Variants in PDE10A observed in about 807,000 individuals in gnomAD.
PDE10A encodes the protein phosphodiesterase 10A, also known as cAMP and cAMP-inhibited cGMP 3',5'-cyclic phosphodiesterase 10A.
In PDE10A, 39 loss-of-function variants were observed where a neutral mutation model predicts 97.7. The observed-to-expected ratio is 0.40, with a 90% CI of 0.31 to 0.52. The LOEUF (loss-of-function observed/expected upper bound fraction) is 0.52, where lower values mean the gene tolerates loss of function less well. Among genes scored for constraint, PDE10A ranks in the 20% least tolerant of loss-of-function variants. The pLI is 0.56. For synonymous variants in PDE10A, 371 were observed against 376.8 expected (o/e 0.98, Z 0.18); for missense variants, 731 against 1,047.8 (o/e 0.70, Z 4.17).
chr6:165,723,003 G>A (rs1291674225), intron 1 of PDE10A, among the ~76,000 whole-genome samples: 2 of 151,864 alleles, frequency 1.3e-5, no homozygotes, highest in Non-Finnish European at 2.9e-5. Flanking sequence ...TATAATAGAA[G>A]TCCCACTCCA....
chr6:165,788,692 A>C (rs1469804415), intron 1 of PDE10A, among the ~76,000 whole-genome samples: 1 of 152,156 alleles, frequency 6.6e-6, no homozygotes, highest in African/African-American at 2.4e-5. Flanking sequence ...GAAAGAATTC[A>C]GAACTACTGC....
Position 165,873,641 on chromosome 6 carries a change from T to C in PDE10A, c.-615+113888A>G, listed in dbSNP as rs558050694. Among the ~76,000 whole-genome samples, 334 of 152,344 alleles carry C rather than the reference T, an allele frequency of 2.2e-3. 2 individuals are homozygous for C. Among genetic ancestry groups the C allele is most frequent in the Non-Finnish European group, 3.7e-3 (253 of 68,032 alleles). ...ACTTATTTGGGTTTAAGCTCAGTAT[T>C]TGAATTTGACATAAGACTTTTGCTA... On this transcript the variant is annotated intron_variant, in intron 1 of 19. Coordinates refer to the PDE10A transcript ENST00000366882.
intron 1 of PDE10A, among the ~76,000 whole-genome samples, chr6:165,841,895 C>G (rs1373407459): frequency 6.6e-6 from 1 of 152,172 alleles, no homozygotes; most frequent in Non-Finnish European, 1.5e-5. Flanking sequence ...GTAAATTATG[C>G]CAGGAGCTTT....
At chr6:165,611,398 G>C (rs2128401347) in intron 1 of PDE10A, among the ~76,000 whole-genome samples, 1 of 152,268 alleles carries the variant, frequency 6.6e-6, no homozygotes, top group East Asian at 1.9e-4. Context: ...GTGTCCTCCT[G>C]CCAGTCCTGA....
At chr6:165,503,991 CTTTT>C (rs34219784) in intron 2 of PDE10A, among the ~76,000 whole-genome samples, 4 of 152,044 alleles carry the variant, frequency 2.6e-5, no homozygotes, top group Non-Finnish European at 5.9e-5. Context: ...TCATAAAATT[CTTTT>C]TTTAGCACCT....
At chr6:165,757,674 CT>C (rs1793148484) in intron 1 of PDE10A, among the ~76,000 whole-genome samples, 1 of 152,114 alleles carries the variant, frequency 6.6e-6, no homozygotes, top group South Asian at 2.1e-4. Flanking sequence ...ACTTTCTAAT[CT>C]GTTGCATTGA....
intron 3 of PDE10A, among the ~76,000 whole-genome samples, chr6:165,473,569 G>A (rs749892697): frequency 2.4e-4 from 37 of 152,016 alleles, no homozygotes; most frequent in Non-Finnish European, 5.1e-4. Context: ...CAAAAATATA[G>A]AGGCCACTAT....
At chr6:165,875,114 G>T (rs1781297995) in intron 1 of PDE10A, among the ~76,000 whole-genome samples, 1 of 152,130 alleles carries the variant, frequency 6.6e-6, no homozygotes, top group South Asian at 2.1e-4. Flanking sequence ...TGTGTGCTGG[G>T]GACAGGTGCC....
At chr6:165,531,058 C>A (rs924568912) in intron 2 of PDE10A, among the ~76,000 whole-genome samples, 5 of 151,946 alleles carry the variant, frequency 3.3e-5, no homozygotes, top group African/African-American at 1.2e-4. Flanking sequence ...TCCTTCCTCT[C>A]CCTTCTATTT....
At chr6:165,504,927 T>C (rs1302291741) in intron 2 of PDE10A, among the ~76,000 whole-genome samples, 1 of 152,132 alleles carries the variant, frequency 6.6e-6, no homozygotes, top group Non-Finnish European at 1.5e-5. Flanking sequence ...CAGAACTGAG[T>C]TAAGTGAGAA....
chr6:165,874,007 G>A (rs978570604), intron 1 of PDE10A, among the ~76,000 whole-genome samples: 2 of 152,166 alleles, frequency 1.3e-5, no homozygotes, highest in Non-Finnish European at 2.9e-5. Flanking sequence ...GGGACAAAGG[G>A]TGAAGCTTTG....
At chr6:165,851,258 G>A (rs1780564488) in intron 1 of PDE10A, among the ~76,000 whole-genome samples, 1 of 152,158 alleles carries the variant, frequency 6.6e-6, no homozygotes, top group Non-Finnish European at 1.5e-5. Context: ...TCACAATATA[G>A]AGAAAAGCAA....
At position 165,525,546 on chromosome 6, in the gene PDE10A, G is replaced by A. The variant is rs180769416; in HGVS notation, c.994+17894C>T. On this transcript the variant is annotated intron_variant, in intron 2 of 21. Transcript: ENST00000539869. ...GACCTACTCATCCCAGCCTTAGAGG[G>A]TCCCGAAGATATACCCTTGACCAAT... Among the ~76,000 whole-genome samples, 1,302 of 152,242 alleles carry A rather than the reference G, an allele frequency of 8.6e-3. 23 individuals carry two copies. The highest frequency in any genetic ancestry group is 0.03 in the African/African-American group (1,228 of 41,530).
In PDE10A at chr6:165,379,220, T is replaced by C. The variant is rs142262184; in HGVS notation, c.2757A>G (p.Ser919=). The part of the protein sequence containing the change: ...KQLEEMYQTG[S]LNLNNQSHRD... ...TATGTGATTGATTATTAAGGTTTAG[T>C]GATCCGGTCTGGTACATCTCTTCCA... Residue 919 remains serine (S), a synonymous_variant, in exon 18 of 22, where the codon TCA becomes TCG. Coordinates refer to ENST00000539869, the MANE Select transcript of PDE10A (RefSeq NM_001385079.1). 4.5e-4 allele frequency: 726 copies of C among 1,610,894 alleles called. 4 individuals carry two copies. In the African/African-American group the frequency reaches 8.8e-3, roughly 20 times the overall value.
rs1790334519 is a variant in PDE10A at position 165,662,495 on chromosome 6, G to C, written c.317C>G (p.Ser106Cys). 2 of 148,332 alleles carry C rather than the reference G, an allele frequency of 1.3e-5. No individual in the cohort carries two copies. The highest frequency in any genetic ancestry group is 3.0e-5 in the Non-Finnish European group (2 of 66,776). The allele number at this position is 148,332 out of a possible 1,614,324, so 9.2% of individuals were successfully genotyped here. Residue 106 changes from serine to cysteine, a missense_variant, in exon 1 of 22, where the codon TCC (serine) becomes TGC (cysteine). By Grantham distance (112) the Ser-to-Cys change is moderately radical (BLOSUM62 -1). Around this residue, in one of 8 missense-constraint regions of PDE10A, gnomAD observed 181 missense variants for 159.1 expected, o/e 1.14. Coordinates refer to ENST00000539869, the MANE Select transcript of PDE10A (RefSeq NM_001385079.1). ...ARAPLALAFS[S>C]RVPSSSPSFF... ...AGATGGAGAGGAGGAGGGGACCCGG[G>C]ACGAGAAGGCGAGCGCCAAGGGAGC... is the stretch of plus-strand genomic sequence containing the variant.
Position 165,662,112 on chromosome 6 carries a change from G to A in PDE10A, c.700C>T (p.Pro234Ser). ...CCGCCGCCGCCTGGGCCGGCGCCGG[G>A]GAAGCCGGGGGAGCCCGCGCGGCGG... ...AARRAGSPGF[P>S]GAGPGGGGQT... is the part of the protein sequence containing the mutation. Residue 234 changes from proline to serine, a missense_variant, in exon 1 of 22, where the codon CCC (proline) becomes TCC (serine). By Grantham distance (74) the Pro-to-Ser change is moderately conservative. Transcript: ENST00000539869. 9.8e-7 allele frequency: 1 copy of A among 1,020,010 alleles called. No homozygotes were observed. Among genetic ancestry groups the A allele is most frequent in the Non-Finnish European group, 1.2e-6 (1 of 844,608 alleles). 63.2% of individuals were successfully genotyped at this position (1,020,010 alleles called of 1,614,324 possible). A position where few individuals can be genotyped will look rare whatever the true frequency, so the allele number is the denominator to read the frequency against.
At chr6:165,977,252 G>A (rs1784876894) in intron 1 of PDE10A, among the ~76,000 whole-genome samples, 1 of 152,214 alleles carries the variant, frequency 6.6e-6, no homozygotes, top group Non-Finnish European at 1.5e-5. Context: ...GTTTGGGAAA[G>A]ATAGCAGATT....
At chr6:165,952,460 C>G (rs1445444509) in intron 1 of PDE10A, among the ~76,000 whole-genome samples, 3 of 152,208 alleles carry the variant, frequency 2.0e-5, no homozygotes, top group African/African-American at 7.2e-5. Context: ...GAAAATGACA[C>G]CGTTTCTTAG....
At chr6:165,901,265 C>G (rs1782098029) in intron 1 of PDE10A, among the ~76,000 whole-genome samples, 1 of 152,186 alleles carries the variant, frequency 6.6e-6, no homozygotes, top group Admixed American at 6.5e-5. Flanking sequence ...AACCTCCACA[C>G]CACATGGCAA....
Sources: gnomAD v4.1 joint callset for allele counts (sites outside exome capture counted in the v4.1 genomes callset) on GRCh38, gnomAD v4.1.1 for gene constraint, gnomAD v4.1.1 regional missense constraint, MANE v1.5 for transcripts, NCBI Gene and HGNC (gene_info 2026-07-23, HGNC 2026-07-21) for gene names.